The following PARP8 variants were observed in gnomAD, a reference collection of about 807,000 sequenced individuals.
The protein encoded by PARP8 is protein mono-ADP-ribosyltransferase PARP8.
In PARP8, 51 loss-of-function variants were observed where a neutral mutation model predicts 124.1. The ratio of observed to expected loss-of-function variants is 0.41; its 90% CI spans 0.33 to 0.52. PARP8 has a LOEUF of 0.52. Ranked by LOEUF, PARP8 falls within the 20% of genes least tolerant of loss-of-function variation. PARP8 has a pLI of 0.21. For missense variants in PARP8, 860 were observed against 1,018.9 expected, an observed-to-expected ratio of 0.84 and a Z score of 2.12; for synonymous variants, 391 against 361.5, an observed-to-expected ratio of 1.08 and a Z score of -0.93.
intron 2 of PARP8, among the ~76,000 whole-genome samples, chr5:50,704,858 CAA>C (rs1753971953): frequency 6.6e-6 from 1 of 152,152 alleles, no homozygotes; most frequent in African/African-American, 2.4e-5. Context: ...ATGGAATGTT[CAA>C]AATGGTTTTG....
intron 15 of PARP8, among the ~76,000 whole-genome samples, chr5:50,817,380 C>A (rs755201947): frequency 7.9e-5 from 12 of 152,134 alleles, no homozygotes; most frequent in Non-Finnish European, 1.6e-4. Flanking sequence ...TTTCTTAAAA[C>A]AGGTTCCCCA....
At chr5:50,715,779 A>T (rs1190637213) in intron 2 of PARP8, among the ~76,000 whole-genome samples, 1 of 152,066 alleles carries the variant, frequency 6.6e-6, no homozygotes, top group African/African-American at 2.4e-5. Flanking sequence ...TTGGCAGTTG[A>T]AACTATTAGA....
At chr5:50,693,310 A>G (rs13169433) in intron 2 of PARP8, among the ~76,000 whole-genome samples, 24 of 152,276 alleles carry the variant, frequency 1.6e-4, no homozygotes, top group Middle Eastern at 3.4e-3. Context: ...CATAGAATGA[A>G]TGACATTTAG....
At chr5:50,711,182 A>G (rs1177038945) in intron 2 of PARP8, among the ~76,000 whole-genome samples, 1 of 152,114 alleles carries the variant, frequency 6.6e-6, no homozygotes, top group Admixed American at 6.6e-5. Context: ...GAATTAGGCC[A>G]ATTGTAGAGC....
At chr5:50,713,870 C>T (rs1237857138) in intron 2 of PARP8, among the ~76,000 whole-genome samples, 3 of 151,782 alleles carry the variant, frequency 2.0e-5, no homozygotes, top group Non-Finnish European at 2.9e-5. Flanking sequence ...ATGGAAGGAA[C>T]CATGAGGCAA....
chr5:50,844,924 A>C lies in PARP8; in HGVS notation c.*2856A>C, dbSNP rs988224782. Reference sequence around the variant, plus strand: ...CACTTTTGGTGTCTTCGAGTGCACTATGTTGGAATAAATTTTATACTTGTT... The same window carrying C: ...CACTTTTGGTGTCTTCGAGTGCACTCTGTTGGAATAAATTTTATACTTGTT... On this transcript the variant is annotated 3_prime_UTR_variant, in exon 26 of 26. Transcript: ENST00000281631. The C allele has an allele frequency of 8.6e-5, 13 of 151,544 alleles. No homozygotes were observed. Among genetic ancestry groups the C allele is most frequent in the African/African-American group, 2.9e-4 (12 of 41,356 alleles). The allele number at this position is 151,544 out of a possible 1,614,324, so 9.4% of individuals were successfully genotyped here. A position where few individuals can be genotyped will look rare whatever the true frequency, so the allele number is the denominator to read the frequency against.
intron 10 of PARP8, 27 bp from the exon 11 acceptor site, chr5:50,794,180 A>G (rs747327970): frequency 1.3e-6 from 2 of 1,599,662 alleles, no homozygotes; most frequent in Non-Finnish European, 1.7e-6. Context: ...TGGAATGGTG[A>G]TAACAGAATT....
chr5:50,735,080 G>C (rs1757347163), intron 2 of PARP8, among the ~76,000 whole-genome samples: 1 of 152,022 alleles, frequency 6.6e-6, no homozygotes, highest in African/African-American at 2.4e-5. Flanking sequence ...TTATAAGATA[G>C]ATTGATGCTT....
intron 15 of PARP8, among the ~76,000 whole-genome samples, chr5:50,819,726 T>C (rs1325899396): frequency 6.6e-6 from 1 of 152,150 alleles, no homozygotes; most frequent in Non-Finnish European, 1.5e-5. Flanking sequence ...ATTACAGGCG[T>C]GAGCCACTGC....
chr5:50,715,622 A>T (rs1382744908), intron 2 of PARP8, among the ~76,000 whole-genome samples: 1 of 151,894 alleles, frequency 6.6e-6, no homozygotes, highest in African/African-American at 2.4e-5. Flanking sequence ...TTAAACAATT[A>T]TTTTTCAGAC....
intron 20 of PARP8, 77 bp from the exon 21 acceptor site, chr5:50,828,235 T>C (rs185363143): frequency 4.4e-4 from 628 of 1,422,452 alleles, no homozygotes; most frequent in Non-Finnish European, 5.9e-4. Context: ...GAAGGCACCA[T>C]GACTTATTAT....
chr5:50,835,731 A>G (rs894457278), intron 25 of PARP8, among the ~76,000 whole-genome samples: 2 of 152,178 alleles, frequency 1.3e-5, no homozygotes, highest in Non-Finnish European at 2.9e-5. Context: ...TACATTCCAT[A>G]TAATACAGGC....
chr5:50,763,121 C>A (rs1223367611), intron 6 of PARP8, 27 bp from the exon 7 acceptor site: 1 of 1,552,020 alleles, frequency 6.4e-7, no homozygotes, highest in Non-Finnish European at 8.9e-7. Context: ...ACTTCTGAGA[C>A]ACTTTTAAAT....
chr5:50,698,004 C>G (rs1579996229), intron 2 of PARP8, among the ~76,000 whole-genome samples: 1 of 152,168 alleles, frequency 6.6e-6, no homozygotes, highest in East Asian at 1.9e-4. Flanking sequence ...CCTTCTGTCT[C>G]TCTCTCTCCT....
At chr5:50,832,721 G>T in intron 22 of PARP8, 60 bp from the exon 23 acceptor site, 1 of 1,533,258 alleles carries the variant, frequency 6.5e-7, no homozygotes, top group Non-Finnish European at 9.0e-7. Context: ...TAGGTCGATT[G>T]TACTTTCAGC....
chr5:50,680,780 A>G lies in PARP8; in HGVS notation c.146+12655A>G, dbSNP rs112295517. Among the ~76,000 whole-genome samples the G allele has an allele frequency of 8.6e-3, 1,312 of 152,238 alleles. 21 individuals are homozygous for G. The highest frequency in any genetic ancestry group is 0.03 in the African/African-American group (1,254 of 41,550). On this transcript the variant is annotated intron_variant, in intron 2 of 25. Transcript: ENST00000281631. ...TGGTAAGAAAGAGGACAGAAGTATA[A>G]AATCAGACTCAAGTAAGAAAGTAAA...
intron 21 of PARP8, among the ~76,000 whole-genome samples, chr5:50,828,798 TAA>T (rs1746626380): frequency 6.6e-6 from 1 of 151,474 alleles, no homozygotes; most frequent in Non-Finnish European, 1.5e-5. Flanking sequence ...ATTGGGAGAA[TAA>T]TTTGAACCCG....
At chr5:50,742,110 G>A (rs371351409) in intron 2 of PARP8, among the ~76,000 whole-genome samples, 3 of 152,126 alleles carry the variant, frequency 2.0e-5, no homozygotes, top group East Asian at 1.9e-4. Flanking sequence ...GCCCCTGGCC[G>A]CATTTTATTT....
chr5:50,776,673 T>G (rs1161224279), intron 7 of PARP8, among the ~76,000 whole-genome samples: 1 of 152,154 alleles, frequency 6.6e-6, no homozygotes, highest in Non-Finnish European at 1.5e-5. Context: ...CTAATATGCT[T>G]TGGTTTTTGG....
Sources: allele counts gnomAD v4.1 joint callset (sites outside exome capture counted in the v4.1 genomes callset), GRCh38; gene constraint gnomAD v4.1.1; transcripts MANE v1.5; gene names NCBI Gene and HGNC (gene_info 2026-07-23, HGNC 2026-07-21).